ANO4: variants seen among roughly 807,000 people sequenced by gnomAD.
ANO4 encodes the protein anoctamin 4.
In ANO4, 69 loss-of-function variants were observed where a neutral mutation model predicts 141.9. The observed-to-expected ratio is 0.49, with a 90% CI of 0.40 to 0.59. The LOEUF is 0.59. Ranked by LOEUF, ANO4 falls within the 20% of genes least tolerant of loss-of-function variation. The pLI is 0.00. For synonymous variants in ANO4, 350 were observed against 394.3 expected, an observed-to-expected ratio of 0.89 and a Z score of 1.33; for missense variants, 894 against 1,162.2, an observed-to-expected ratio of 0.77 and a Z score of 3.36.
chr12:100,762,056 G>A (rs2032884697), intron 3 of ANO4, among the ~76,000 whole-genome samples: 2 of 152,126 alleles, frequency 1.3e-5, no homozygotes, highest in African/African-American at 4.8e-5. Context: ...AGGGGGAAAG[G>A]GGCTGTAACA....
chr12:100,774,646 A>T (rs1200855133), intron 3 of ANO4, among the ~76,000 whole-genome samples: 1 of 152,262 alleles, frequency 6.6e-6, no homozygotes, highest in African/African-American at 2.4e-5. Context: ...CCCCCACAAC[A>T]TATGCGAATG....
intron 1 of ANO4, among the ~76,000 whole-genome samples, chr12:100,806,523 CGTTTTTTTTTTTTTTT>C (rs1227670556): frequency 0.035 from 1,594 of 44,962 alleles, 124 homozygotes; most frequent in African/African-American, 0.086. Context: ...TTTTTTGTTT[CGTTTTTTTTTTTTTTT>C]TTTTTTTTTT....
chr12:101,097,965 T>C lies in ANO4; in HGVS notation c.2006+20T>C, dbSNP rs371035616. 19 of 1,599,168 alleles carry C rather than the reference T, an allele frequency of 1.2e-5. No homozygotes were observed. In the African/African-American group the frequency reaches 2.5e-4, roughly 21 times the overall value. On this transcript the variant is annotated intron_variant, in intron 21 of 27. Transcript: ENST00000392977. ...CTACCCGTAAGTACCTTAGTATCAA[T>C]AATTGAGAGGCAGCATTGCTCATTA...
intron 8 of ANO4, among the ~76,000 whole-genome samples, chr12:101,017,090 G>A (rs7980149): frequency 0.047 from 7,135 of 152,160 alleles, 223 homozygotes; most frequent in Non-Finnish European, 0.072. Context: ...TTGTTCTCAC[G>A]CTGCTAATAA....
intron 14 of ANO4, among the ~76,000 whole-genome samples, chr12:101,065,750 A>G (rs1250825041): frequency 6.6e-6 from 1 of 152,202 alleles, no homozygotes; most frequent in Admixed American, 6.5e-5. Flanking sequence ...AATATTTCCA[A>G]ACTCATTCTA....
At chr12:100,946,539 T>A (rs1205477671) in intron 5 of ANO4, among the ~76,000 whole-genome samples, 1 of 152,194 alleles carries the variant, frequency 6.6e-6, no homozygotes, top group Admixed American at 6.5e-5. Flanking sequence ...AGTCACAGAC[T>A]ATTTGTCTGA....
chr12:101,062,254 A>T (rs1049175672), intron 14 of ANO4, among the ~76,000 whole-genome samples: 1 of 152,132 alleles, frequency 6.6e-6, no homozygotes, highest in African/African-American at 2.4e-5. Context: ...TTTCCTCTGG[A>T]AGCTTGAGCC....
chr12:100,912,740 G>A (rs910686474), intron 2 of ANO4, among the ~76,000 whole-genome samples: 2 of 152,198 alleles, frequency 1.3e-5, no homozygotes, highest in Admixed American at 6.5e-5. Context: ...GAACTGAAGC[G>A]TGGATGAGAT....
chr12:101,059,989 T>G (rs1412742486), intron 14 of ANO4, among the ~76,000 whole-genome samples: 1 of 152,268 alleles, frequency 6.6e-6, no homozygotes, highest in Non-Finnish European at 1.5e-5. Context: ...CAATTATAGA[T>G]CTTTCCCGCT....
At chr12:101,118,046 C>T (rs552424380) in intron 25 of ANO4, among the ~76,000 whole-genome samples, 24 of 151,914 alleles carry the variant, frequency 1.6e-4, no homozygotes, top group African/African-American at 4.6e-4. Context: ...AATCTAGTGC[C>T]GCTCTCTGTT....
intron 9 of ANO4, among the ~76,000 whole-genome samples, chr12:101,036,612 A>G (rs1345817033): frequency 6.6e-6 from 1 of 152,268 alleles, no homozygotes; most frequent in Non-Finnish European, 1.5e-5. Context: ...CAAATACTGC[A>G]TGATCTCACT....
At chr12:100,767,244 A>G (rs1051387285) in intron 3 of ANO4, among the ~76,000 whole-genome samples, 1 of 151,946 alleles carries the variant, frequency 6.6e-6, no homozygotes, top group East Asian at 1.9e-4. Context: ...CCATTTTGTA[A>G]TTGTTTTCTG....
intron 14 of ANO4, chr12:101,068,243 T>C (rs1345789234): frequency 1.4e-6 from 2 of 1,416,504 alleles, no homozygotes; most frequent in Non-Finnish European, 1.9e-6. Flanking sequence ...CTAGAAAACA[T>C]CGCTTCTGGG....
At chr12:101,023,966 C>T (rs1019082293) in intron 9 of ANO4, among the ~76,000 whole-genome samples, 28 of 152,104 alleles carry the variant, frequency 1.8e-4, no homozygotes, top group African/African-American at 6.3e-4. Context: ...GAGCCAACAT[C>T]GATTAGAAAT....
chr12:100,878,564 G>T (rs1014857224), intron 1 of ANO4, among the ~76,000 whole-genome samples: 3 of 152,106 alleles, frequency 2.0e-5, no homozygotes, highest in African/African-American at 7.2e-5. Flanking sequence ...TTGAGTGAAG[G>T]CAGGACCCTT....
At chr12:101,074,393 G>A (rs73156639) in intron 14 of ANO4, among the ~76,000 whole-genome samples, 1,822 of 152,244 alleles carry the variant, frequency 0.012, 22 homozygotes, top group Non-Finnish European at 0.02. Flanking sequence ...AGTGGATACG[G>A]AAAAAGCACC....
At chr12:100,970,533 C>CT (rs1487923178) in intron 5 of ANO4, among the ~76,000 whole-genome samples, 1 of 152,186 alleles carries the variant, frequency 6.6e-6, no homozygotes, top group East Asian at 1.9e-4. Flanking sequence ...ACAGAGGAGA[C>CT]TTTCCTTGAC....
At chr12:100,922,675 C>A (rs931696452) in intron 3 of ANO4, among the ~76,000 whole-genome samples, 2 of 151,850 alleles carry the variant, frequency 1.3e-5, no homozygotes, top group Non-Finnish European at 2.9e-5. Context: ...TTTAAGAAAA[C>A]AAAATACAAT....
At chr12:100,987,491 C>T (rs1210389349) in intron 7 of ANO4, 48 bp from the exon 8 acceptor site, 1 of 1,595,992 alleles carries the variant, frequency 6.3e-7, no homozygotes, top group South Asian at 1.1e-5. Context: ...TGTTTCAGGG[C>T]ATTGCTGACA....
Sources: gnomAD v4.1 joint callset for allele counts (sites outside exome capture counted in the v4.1 genomes callset) on GRCh38, gnomAD v4.1.1 for gene constraint, MANE v1.5 for transcripts, NCBI Gene and HGNC (gene_info 2026-07-23, HGNC 2026-07-21) for gene names.